LINGO2: variants seen among roughly 807,000 people sequenced by gnomAD.
LINGO2 encodes leucine-rich repeat and immunoglobulin-like domain-containing nogo receptor-interacting protein 2.
LINGO2 carries 14 observed loss-of-function variants against 30.6 expected under a neutral mutation model. That is an observed-to-expected ratio of 0.46 (90% CI 0.30 to 0.72). The LOEUF (loss-of-function observed/expected upper bound fraction) is 0.72, where lower values mean the gene tolerates loss of function less well. Among genes scored for constraint, LINGO2 ranks in the 30% least tolerant of loss-of-function variants. LINGO2 has a pLI of 0.07. For synonymous variants in LINGO2, 317 were observed against 288.5 expected, an observed-to-expected ratio of 1.10 and a Z score of -1.00; for missense variants, 729 against 751.7, an observed-to-expected ratio of 0.97 and a Z score of 0.35.
chr9:28,106,012 C>T (rs1823717), intron 4 of LINGO2, among the ~76,000 whole-genome samples: 2,923 of 152,184 alleles, frequency 0.019, 36 homozygotes, highest in African/African-American at 0.032. Context: ...GCTCTGCCTC[C>T]TGTCAGATCA....
In LINGO2 at chr9:28,201,130, GGTTA is replaced by G. The variant is rs572422064; in HGVS notation, c.-87+94074_-87+94077del. 8.6e-4 allele frequency among the ~76,000 whole-genome samples: 129 copies of G among 149,846 alleles called. 2 individuals carry two copies. The highest frequency in any genetic ancestry group is 3.4e-3 in the Middle Eastern group (1 of 292). ...TTAGGGTACATGTGCACATTGTGCA[GGTTA>G]GTTACCTATGTATACATGTGCCATG... is the stretch of plus-strand genomic sequence containing the variant. On this transcript the variant is annotated intron_variant, in intron 4 of 5. Coordinates refer to ENST00000379992, the Ensembl canonical transcript of LINGO2.
chr9:28,359,842 T>G (rs75662626), intron 3 of LINGO2, among the ~76,000 whole-genome samples: 4 of 152,054 alleles, frequency 2.6e-5, no homozygotes, highest in Admixed American at 2.6e-4. Context: ...CAGAAACATA[T>G]TACATATGAT....
At chr9:29,105,744 C>T in the LINGO2 span, among the ~76,000 whole-genome samples, 4 of 152,108 alleles carry the variant, frequency 2.6e-5, no homozygotes, top group Non-Finnish European at 5.9e-5. Flanking sequence ...TCCTACTATC[C>T]TGGAAGAAGG....
chr9:28,391,863 T>C (rs1198147700), intron 2 of LINGO2, among the ~76,000 whole-genome samples: 1 of 152,174 alleles, frequency 6.6e-6, no homozygotes, highest in Non-Finnish European at 1.5e-5. Flanking sequence ...GGAAAAATAA[T>C]TCTTAGTAAG....
At chr9:28,568,588 C>A (rs772101028) in intron 1 of LINGO2, among the ~76,000 whole-genome samples, 72 of 151,846 alleles carry the variant, frequency 4.7e-4, no homozygotes, top group South Asian at 4.2e-4. Flanking sequence ...ATTTTAAAAG[C>A]AGCAAGAGAA....
At chr9:28,270,505 CA>C (rs1307959705) in intron 4 of LINGO2, among the ~76,000 whole-genome samples, 1 of 151,884 alleles carries the variant, frequency 6.6e-6, no homozygotes, top group African/African-American at 2.4e-5. Context: ...GGCCATGCCT[CA>C]AAATAGTGTG....
the LINGO2 span, among the ~76,000 whole-genome samples, chr9:28,805,947 C>CAAATAAAAGTATA: frequency 6.6e-6 from 1 of 151,998 alleles, no homozygotes. Context: ...CAGATAAAAA[C>CAAATAAAAGTATA]AAATAAAAGT....
chr9:28,766,316 G>A, the LINGO2 span, among the ~76,000 whole-genome samples: 6 of 151,640 alleles, frequency 4.0e-5, no homozygotes, highest in East Asian at 1.9e-4. Context: ...CAAAGAAGAC[G>A]TAAAACTGGC....
At chr9:28,347,134 A>T (rs1324101349) in intron 3 of LINGO2, among the ~76,000 whole-genome samples, 1 of 152,178 alleles carries the variant, frequency 6.6e-6, no homozygotes, top group African/African-American at 2.4e-5. Context: ...AGGATATAGG[A>T]TGTGAATCCA....
intron 5 of LINGO2, among the ~76,000 whole-genome samples, chr9:27,953,601 G>T (rs1819421573): frequency 1.3e-5 from 2 of 152,092 alleles, no homozygotes. Context: ...CACAAGATCT[G>T]GTGGTTTTAT....
chr9:29,134,283 T>A, the LINGO2 span, among the ~76,000 whole-genome samples: 27 of 152,292 alleles, frequency 1.8e-4, no homozygotes, highest in Middle Eastern at 3.4e-3. Flanking sequence ...AATAAATATG[T>A]CTGATAAAAG....
intron 1 of LINGO2, among the ~76,000 whole-genome samples, chr9:28,646,396 G>C (rs1000977007): frequency 6.6e-6 from 1 of 152,046 alleles, no homozygotes; most frequent in African/African-American, 2.4e-5. Flanking sequence ...AGCAAGCACG[G>C]TCAGTGAGTC....
intron 1 of LINGO2, among the ~76,000 whole-genome samples, chr9:28,512,596 T>TAG (rs1564255945): frequency 0.046 from 97 of 2,090 alleles, 5 homozygotes; most frequent in East Asian, 0.42. Flanking sequence ...TATGTGTGTA[T>TAG]ATATATATAT....
At chr9:28,872,912 T>G in the LINGO2 span, among the ~76,000 whole-genome samples, 1 of 152,110 alleles carries the variant, frequency 6.6e-6, no homozygotes, top group East Asian at 1.9e-4. Flanking sequence ...TAATTGAAAA[T>G]CAAATGATGA....
the LINGO2 span, among the ~76,000 whole-genome samples, chr9:28,890,702 T>C: frequency 6.6e-6 from 1 of 152,062 alleles, no homozygotes; most frequent in African/African-American, 2.4e-5. Flanking sequence ...GTAAATCATA[T>C]GCTATAAAGG....
chr9:28,826,289 T>A, the LINGO2 span, among the ~76,000 whole-genome samples: 1 of 152,186 alleles, frequency 6.6e-6, no homozygotes, highest in Non-Finnish European at 1.5e-5. Flanking sequence ...AAATTCTGTA[T>A]AACAATCAAA....
At chr9:28,273,350 G>T (rs1276535913) in intron 4 of LINGO2, among the ~76,000 whole-genome samples, 1 of 152,068 alleles carries the variant, frequency 6.6e-6, no homozygotes, top group Non-Finnish European at 1.5e-5. Context: ...AAAGCAAAGT[G>T]GTCCTTCTGT....
the LINGO2 span, among the ~76,000 whole-genome samples, chr9:28,883,969 C>T: frequency 1.8e-4 from 28 of 151,490 alleles, no homozygotes; most frequent in African/African-American, 6.1e-4. Context: ...TGAGCCACCG[C>T]GCCCGGCTAG....
chr9:28,623,513 T>A (rs954155930), intron 1 of LINGO2, among the ~76,000 whole-genome samples: 1 of 151,980 alleles, frequency 6.6e-6, no homozygotes, highest in Non-Finnish European at 1.5e-5. Flanking sequence ...GGTGTGTGAA[T>A]TTTCTTCTTG....
Sources: gnomAD v4.1 joint callset for allele counts (sites outside exome capture counted in the v4.1 genomes callset) on GRCh38, gnomAD v4.1.1 for gene constraint, MANE v1.5 for transcripts, NCBI Gene and HGNC (gene_info 2026-07-23, HGNC 2026-07-21) for gene names.